Variants in TDRD3 observed in about 807,000 individuals in gnomAD.
TDRD3 encodes the protein tudor domain containing 3, also known as tudor domain-containing protein 3.
Under a neutral mutation model 86.7 loss-of-function variants are expected in TDRD3, and 45 were observed. The ratio of observed to expected loss-of-function variants is 0.52; its 90% CI spans 0.41 to 0.67. The LOEUF (loss-of-function observed/expected upper bound fraction) is 0.67, where lower values mean the gene tolerates loss of function less well. Among genes scored for constraint, TDRD3 ranks in the 30% least tolerant of loss-of-function variants. TDRD3 has a pLI of 0.00. For missense variants in TDRD3, 814 were observed against 889.0 expected (o/e 0.92, Z 1.07); for synonymous variants, 298 against 301.7 (o/e 0.99, Z 0.13).
At chr13:60,423,670 AAAC>A (rs1954719982) in intron 1 of TDRD3, among the ~76,000 whole-genome samples, 2 of 152,330 alleles carry the variant, frequency 1.3e-5, no homozygotes, top group South Asian at 2.1e-4. Context: ...AAGTTTGACT[AAAC>A]AACTTTTTAA....
chr13:60,477,337 C>T (rs1383034055), intron 5 of TDRD3, among the ~76,000 whole-genome samples: 1 of 151,970 alleles, frequency 6.6e-6, no homozygotes, highest in African/African-American at 2.4e-5. Flanking sequence ...GCCTCAGTCT[C>T]CTGAGTAGCT....
At chr13:60,467,442 C>T in intron 5 of TDRD3, 63 bp downstream of exon 5, 1 of 1,556,978 alleles carries the variant, frequency 6.4e-7, no homozygotes, top group Non-Finnish European at 8.7e-7. Context: ...CATTAAAGAG[C>T]TCTTTCAATA....
At chr13:60,537,470 T>C (rs1006308391) in intron 12 of TDRD3, 7 of 152,044 alleles carry the variant, frequency 4.6e-5, no homozygotes. Context: ...AGAGTTCATA[T>C]AGAATTCTCT....
chr13:60,415,323 A>G (rs1003919887), intron 1 of TDRD3, among the ~76,000 whole-genome samples: 1 of 152,002 alleles, frequency 6.6e-6, no homozygotes, highest in Non-Finnish European at 1.5e-5. Flanking sequence ...CCAGTGCACA[A>G]TTTTCATTTT....
intron 1 of TDRD3, among the ~76,000 whole-genome samples, chr13:60,398,481 C>G (rs1179552803): frequency 6.6e-6 from 1 of 152,176 alleles, no homozygotes; most frequent in Admixed American, 6.5e-5. Flanking sequence ...TTTGCAGAAC[C>G]TACACAAGAT....
intron 1 of TDRD3, among the ~76,000 whole-genome samples, chr13:60,426,679 T>C (rs1257800145): frequency 1.3e-5 from 2 of 152,122 alleles, no homozygotes; most frequent in Admixed American, 6.6e-5. Flanking sequence ...ACCAATGTTA[T>C]AGAAGAAATA....
chr13:60,486,526 G>A (rs1410252904), intron 7 of TDRD3, among the ~76,000 whole-genome samples: 1 of 152,102 alleles, frequency 6.6e-6, no homozygotes, highest in Non-Finnish European at 1.5e-5. Flanking sequence ...TGAGGTACAT[G>A]TGATATTTTG....
At chr13:60,543,592 C>T (rs1957866470) in intron 12 of TDRD3, among the ~76,000 whole-genome samples, 1 of 152,048 alleles carries the variant, frequency 6.6e-6, no homozygotes, top group South Asian at 2.1e-4. Flanking sequence ...TTACATTTCT[C>T]ATTCATAACA....
At chr13:60,528,215 AAAG>A (rs1046620565) in intron 10 of TDRD3, 149 bp from the exon 11 acceptor site, 14 of 851,310 alleles carry the variant, frequency 1.6e-5, no homozygotes, top group Non-Finnish European at 2.3e-5. Context: ...CCAAGGAAGC[AAAG>A]AAGGAGTAAG....
chr13:60,488,482 A>AT (rs1956501078), intron 7 of TDRD3, among the ~76,000 whole-genome samples: 1 of 152,136 alleles, frequency 6.6e-6, no homozygotes, highest in African/African-American at 2.4e-5. Flanking sequence ...TGATGTTGAC[A>AT]TTTTTTCATA....
intron 8 of TDRD3, among the ~76,000 whole-genome samples, chr13:60,502,549 T>G (rs1031312077): frequency 2.0e-5 from 3 of 152,206 alleles, no homozygotes; most frequent in African/African-American, 7.2e-5. Flanking sequence ...GGATTGTCTT[T>G]GATGGAACTC....
rs767860275 is a variant in TDRD3 at position 60,460,526 on chromosome 13, T to C, written c.339T>C (p.Tyr113=). 1.0e-5 allele frequency: 16 copies of C among 1,554,404 alleles called. No individual in the cohort carries two copies. The highest frequency in any genetic ancestry group is 1.7e-4 in the Middle Eastern group (1 of 5,900). The stretch of plus-strand genomic sequence containing the variant: ...GTTGCACAGCAGTAGAATTTAGTTA[T>C]ATGTCAAAAATAAGGTGATTGGCAC... ...HISCTAVEFS[Y]MSKISLNTPP... is the part of the protein sequence containing the mutation. Residue 113 remains tyrosine (Y), a synonymous_variant, in exon 4 of 14, where the codon TAT becomes TAC. Transcript: ENST00000377881.
At chr13:60,566,357 C>T (rs1052220048) in intron 12 of TDRD3, among the ~76,000 whole-genome samples, 41 of 151,370 alleles carry the variant, frequency 2.7e-4, no homozygotes, top group African/African-American at 9.2e-4. Context: ...TAGGATTTGA[C>T]CAAATTATCT....
chr13:60,466,182 AAG>A (rs1326306333), intron 4 of TDRD3, among the ~76,000 whole-genome samples: 2 of 152,186 alleles, frequency 1.3e-5, no homozygotes, highest in Non-Finnish European at 2.9e-5. Flanking sequence ...TGAACAAAAA[AAG>A]AGCATTATTT....
chr13:60,431,693 C>A (rs1288526268), intron 1 of TDRD3, among the ~76,000 whole-genome samples: 2 of 83,526 alleles, frequency 2.4e-5, no homozygotes, highest in South Asian at 4.5e-4. Flanking sequence ...CAAAGCAAGA[C>A]TATCTTTACC....
At chr13:60,540,335 T>G (rs1391450238) in intron 12 of TDRD3, among the ~76,000 whole-genome samples, 1 of 152,190 alleles carries the variant, frequency 6.6e-6, no homozygotes, top group Admixed American at 6.6e-5. Flanking sequence ...TGCAGTATCT[T>G]TAAGCTTTCT....
chr13:60,402,691 CTTTTTTTT>C (rs35984156), intron 1 of TDRD3, among the ~76,000 whole-genome samples: 1 of 73,272 alleles, frequency 1.4e-5, no homozygotes, highest in Non-Finnish European at 2.5e-5. Context: ...AAACCAATTG[CTTTTTTTT>C]TTTTTTTTTT....
chr13:60,528,481 G>A lies in TDRD3; in HGVS notation c.1256G>A (p.Arg419Lys), dbSNP rs757680580. Residue 419 changes from arginine (R) to lysine (K), a missense_variant, in exon 11 of 14, where the codon AGG (arginine) becomes AAG (lysine). Transcript: ENST00000377881. ...AGACATCCTCCTCGAAATGATACCA[G>A]GCAGCCAAGAAATGAAAAACCGCCT... ...HLRHPPRNDT[R>K]QPRNEKPPRF... 1.4e-5 allele frequency: 23 copies of A among 1,613,810 alleles called. No individual in the cohort carries two copies. Among genetic ancestry groups the A allele is most frequent in the Non-Finnish European group, 7.6e-6 (9 of 1,179,938 alleles).
chr13:60,552,198 C>T (rs1293037747), intron 12 of TDRD3, among the ~76,000 whole-genome samples: 1 of 152,190 alleles, frequency 6.6e-6, no homozygotes, highest in Non-Finnish European at 1.5e-5. Context: ...CCTGTAAAAT[C>T]AAAAGCAACT....
Sources: allele counts gnomAD v4.1 joint callset (sites outside exome capture counted in the v4.1 genomes callset), GRCh38; gene constraint gnomAD v4.1.1; transcripts MANE v1.5; gene names NCBI Gene and HGNC (gene_info 2026-07-23, HGNC 2026-07-21).